Variants in ANKFN1 observed in about 807,000 individuals in gnomAD.
The protein encoded by ANKFN1 is ankyrin repeat and fibronectin type III domain containing 1.
ANKFN1 carries 74 observed loss-of-function variants against 108.7 expected under a neutral mutation model. That is an observed-to-expected ratio of 0.68 (90% CI 0.56 to 0.83). The LOEUF (loss-of-function observed/expected upper bound fraction) is 0.83, where lower values mean the gene tolerates loss of function less well. ANKFN1 is among the 40% of genes least tolerant of loss of function. ANKFN1 has a pLI of 0.00. For synonymous variants in ANKFN1, 547 were observed against 516.2 expected (o/e 1.06, Z -0.81); for missense variants, 1,505 against 1,382.3 (o/e 1.09, Z -1.41).
intron 4 of ANKFN1, among the ~76,000 whole-genome samples, chr17:56,064,514 G>T (rs1014562162): frequency 1.3e-5 from 2 of 152,240 alleles, no homozygotes; most frequent in Non-Finnish European, 2.9e-5. Flanking sequence ...TCTGGCCGCA[G>T]TCTGCCACTG....
chr17:56,217,316 A>G (rs1195495399), intron 2 of ANKFN1, among the ~76,000 whole-genome samples: 1 of 152,212 alleles, frequency 6.6e-6, no homozygotes, highest in East Asian at 1.9e-4. Context: ...CACCAATTCA[A>G]GATCTAGACC....
intron 1 of ANKFN1, among the ~76,000 whole-genome samples, 133 bp from the exon 2 acceptor site, chr17:56,212,464 CA>C (rs1265284924): frequency 2.6e-5 from 4 of 151,948 alleles, no homozygotes; most frequent in Admixed American, 1.3e-4. Context: ...AGGATTTTTG[CA>C]TTTATGTTCA....
chr17:56,189,851 T>C (rs1439976025), intron 1 of ANKFN1, among the ~76,000 whole-genome samples: 2 of 152,180 alleles, frequency 1.3e-5, no homozygotes, highest in African/African-American at 4.8e-5. Context: ...CTAAGGCTTG[T>C]GGTTTCAATG....
chr17:56,201,708 C>A (rs1213489737), intron 1 of ANKFN1, among the ~76,000 whole-genome samples: 3 of 151,474 alleles, frequency 2.0e-5, no homozygotes, highest in Admixed American at 2.0e-4. Context: ...ATATCTAATT[C>A]TCTATATATC....
intron 1 of ANKFN1, among the ~76,000 whole-genome samples, chr17:56,159,033 CAA>C (rs57878541): frequency 2.8e-5 from 2 of 71,014 alleles, no homozygotes; most frequent in African/African-American, 5.4e-5. Flanking sequence ...TGGTCTAGGC[CAA>C]AAAAAAAAAA....
chr17:56,369,419 C>G (rs777572574), intron 6 of ANKFN1, among the ~76,000 whole-genome samples: 3 of 151,602 alleles, frequency 2.0e-5, no homozygotes, highest in Non-Finnish European at 4.4e-5. Context: ...TATGATTTCT[C>G]AATTGTAAAA....
chr17:56,359,711 G>T (rs1266627968), intron 6 of ANKFN1, among the ~76,000 whole-genome samples: 1 of 152,158 alleles, frequency 6.6e-6, no homozygotes, highest in Admixed American at 6.6e-5. Flanking sequence ...AGTAGTAAGG[G>T]GTTCGTGTTT....
Position 56,276,013 on chromosome 17 carries a change from C to T in ANKFN1, c.53+48056C>T, listed in dbSNP as rs143773336. On this transcript the variant is annotated intron_variant, in intron 3 of 20. Coordinates refer to ENST00000682825, the MANE Select transcript of ANKFN1 (RefSeq NM_001370326.1). Reference sequence around the variant, plus strand: ...ATATTTCTCCTGATGCTATCCCTCCCCTAGCCTCCCACCCCATGACAGGCC... The same window carrying T: ...ATATTTCTCCTGATGCTATCCCTCCTCTAGCCTCCCACCCCATGACAGGCC... Among the ~76,000 whole-genome samples, 552 of 152,246 alleles carry T rather than the reference C, an allele frequency of 3.6e-3. 1 individual carries two copies. The highest frequency in any genetic ancestry group is 6.5e-3 in the Non-Finnish European group (439 of 68,020).
At chr17:56,368,821 C>T (rs2046733655) in intron 6 of ANKFN1, among the ~76,000 whole-genome samples, 1 of 152,118 alleles carries the variant, frequency 6.6e-6, no homozygotes, top group African/African-American at 2.4e-5. Context: ...ATTCCAGTTT[C>T]ATAAAAAGTG....
intron 4 of ANKFN1, among the ~76,000 whole-genome samples, chr17:56,082,539 C>T (rs1309403790): frequency 6.6e-6 from 1 of 152,038 alleles, no homozygotes; most frequent in Non-Finnish European, 1.5e-5. Flanking sequence ...GTAAGATTTG[C>T]TGATGGAGAG....
chr17:56,167,204 C>CAT (rs369886626), intron 1 of ANKFN1, among the ~76,000 whole-genome samples: 4 of 147,686 alleles, frequency 2.7e-5, no homozygotes, highest in African/African-American at 5.0e-5. Flanking sequence ...ATATATGTTA[C>CAT]ATATATATAC....
chr17:56,351,176 G>T lies in ANKFN1; in HGVS notation c.390+209G>T, dbSNP rs535378176. On this transcript the variant is annotated intron_variant, in intron 5 of 20. Coordinates refer to ENST00000682825, the MANE Select transcript of ANKFN1 (RefSeq NM_001370326.1). ...TTGTGAGCTGTTTCTCTTTCTTTTT[G>T]TTTCTTTTTCTTCTCTCTTAATTTT... 1.1e-4 allele frequency among the ~76,000 whole-genome samples: 17 copies of T among 151,462 alleles called. 1 individual carries two copies. Among genetic ancestry groups the T allele is most frequent in the African/African-American group, 4.1e-4 (17 of 41,296 alleles).
At chr17:56,167,962 A>C (rs1429192213) in intron 1 of ANKFN1, among the ~76,000 whole-genome samples, 1 of 152,158 alleles carries the variant, frequency 6.6e-6, no homozygotes, top group Non-Finnish European at 1.5e-5. Flanking sequence ...GATGTCAGTG[A>C]CCACTAGAAA....
At chr17:56,375,092 A>C (rs2046910374) in intron 8 of ANKFN1, among the ~76,000 whole-genome samples, 1 of 151,378 alleles carries the variant, frequency 6.6e-6, no homozygotes, top group Non-Finnish European at 1.5e-5. Context: ...GTAGGGGTTA[A>C]AAAAAACAAT....
chr17:56,453,903 C>T (rs1221850605), intron 11 of ANKFN1, among the ~76,000 whole-genome samples: 2 of 151,530 alleles, frequency 1.3e-5, no homozygotes, highest in East Asian at 1.9e-4. Flanking sequence ...CTTTTTTTCC[C>T]CTCTCTGGAA....
rs2144389669 is a variant in ANKFN1, at chr17:56,304,341, C to T, written c.54-21880C>T. Among the ~76,000 whole-genome samples the T allele has an allele frequency of 2.0e-5, 3 of 152,176 alleles. No individual in the cohort carries two copies. The East Asian group carries it at 5.8e-4, about 29-fold the overall frequency. Reference sequence around the variant, plus strand: ...ATCGAAATTTTGTTCTTGTTTATTGCTAGGTAATATTCTATGGAATTGATG... The same window carrying T: ...ATCGAAATTTTGTTCTTGTTTATTGTTAGGTAATATTCTATGGAATTGATG... On this transcript the variant is annotated intron_variant, in intron 3 of 20. Transcript: ENST00000682825.
chr17:56,454,343 G>A (rs2145221697), intron 11 of ANKFN1, among the ~76,000 whole-genome samples: 1 of 152,252 alleles, frequency 6.6e-6, no homozygotes, highest in South Asian at 2.1e-4. Flanking sequence ...TATAAGGGAT[G>A]CAAGTCTTCT....
chr17:56,511,190 C>G lies in ANKFN1; in HGVS notation c.3362C>G (p.Pro1121Arg), dbSNP rs1439295151. ...SPPSGGRITL[P>R]SPTGPDVSQE... Reference sequence around the variant, plus strand: ...CCCTCTGGAGGCCGCATCACCCTGCCCAGCCCCACTGGCCCCGATGTGAGT... The same window carrying G: ...CCCTCTGGAGGCCGCATCACCCTGCGCAGCCCCACTGGCCCCGATGTGAGT... Residue 1121 changes from proline to arginine, a missense_variant, in exon 21 of 21, where the codon CCC becomes CGC. Transcript: ENST00000682825. 8 of 1,535,986 alleles carry G rather than the reference C, an allele frequency of 5.2e-6. No individual in the cohort carries two copies. The highest frequency in any genetic ancestry group is 6.1e-6 in the Non-Finnish European group (7 of 1,146,858).
intron 4 of ANKFN1, among the ~76,000 whole-genome samples, chr17:56,121,408 T>C (rs1252066688): frequency 1.3e-5 from 2 of 152,160 alleles, no homozygotes; most frequent in Admixed American, 1.3e-4. Context: ...ATGTTAGTCA[T>C]GTAATGCCTT....
Sources: gnomAD v4.1 joint callset for allele counts (sites outside exome capture counted in the v4.1 genomes callset) on GRCh38, gnomAD v4.1.1 for gene constraint, MANE v1.5 for transcripts, NCBI Gene and HGNC (gene_info 2026-07-23, HGNC 2026-07-21) for gene names.